The following PTPRD variants were observed in gnomAD, a reference collection of about 807,000 sequenced individuals.
The protein encoded by PTPRD is protein tyrosine phosphatase receptor type D.
PTPRD carries 34 observed loss-of-function variants against 214.5 expected under a neutral mutation model. The observed-to-expected ratio is 0.16, with a 90% CI of 0.12 to 0.21. The LOEUF is 0.21. Ranked by LOEUF, PTPRD falls within the 10% of genes least tolerant of loss-of-function variation. The pLI is 1.00. For synonymous variants in PTPRD, 1,128 were observed against 845.7 expected (o/e 1.33, Z -5.79); for missense variants, 2,545 against 2,398.7 (o/e 1.06, Z -1.27).
At chr9:10,134,414 T>C (rs1363063001) in intron 3 of PTPRD, among the ~76,000 whole-genome samples, 3 of 152,142 alleles carry the variant, frequency 2.0e-5, no homozygotes, top group African/African-American at 7.2e-5. Flanking sequence ...AACTTCCCAA[T>C]GACTGAACAC....
At chr9:8,826,065 G>A (rs1012465306) in intron 11 of PTPRD, among the ~76,000 whole-genome samples, 2 of 152,058 alleles carry the variant, frequency 1.3e-5, no homozygotes, top group African/African-American at 2.4e-5. Flanking sequence ...CTTTTAAGAT[G>A]GAGTTGCTCT....
At chr9:9,724,085 C>T (rs2098027416) in intron 7 of PTPRD, among the ~76,000 whole-genome samples, 1 of 152,018 alleles carries the variant, frequency 6.6e-6, no homozygotes. Context: ...TTTATGTCTT[C>T]TTTTAATAAA....
In PTPRD at chr9:9,756,235, G is replaced by A. The variant is rs117315786; in HGVS notation, c.-326+10575C>T. Among the ~76,000 whole-genome samples, 184 of 152,192 alleles carry A rather than the reference G, an allele frequency of 1.2e-3. 4 individuals carry two copies. In the East Asian group the frequency reaches 0.031, roughly 25 times the overall value. ...GTCTTCTGGAGCACCAGAGGGTTAT[G>A]TGAGATTCATTAGCTTCTAAATAAG... On this transcript the variant is annotated intron_variant, in intron 6 of 45. Coordinates refer to ENST00000381196, the MANE Select transcript of PTPRD (RefSeq NM_002839.4).
chr9:10,267,546 C>T (rs2094151197), intron 3 of PTPRD, among the ~76,000 whole-genome samples: 1 of 151,962 alleles, frequency 6.6e-6, no homozygotes, highest in Non-Finnish European at 1.5e-5. Context: ...AAAATTCTTG[C>T]CCAAGGCATT....
intron 10 of PTPRD, among the ~76,000 whole-genome samples, chr9:9,083,420 T>A (rs188169712): frequency 7.2e-5 from 11 of 152,296 alleles, no homozygotes; most frequent in Admixed American, 7.2e-4. Flanking sequence ...GATTAAAGAC[T>A]TCAATGTAAG....
chr9:9,668,272 C>T (rs1456871455), intron 7 of PTPRD, among the ~76,000 whole-genome samples: 1 of 152,056 alleles, frequency 6.6e-6, no homozygotes, highest in African/African-American at 2.4e-5. Flanking sequence ...ACCATCTGGA[C>T]CCGACAATTT....
At chr9:9,885,153 G>A (rs2070367025) in intron 5 of PTPRD, among the ~76,000 whole-genome samples, 2 of 152,016 alleles carry the variant, frequency 1.3e-5, no homozygotes, top group South Asian at 2.1e-4. Context: ...TTAAGGTACT[G>A]CATGGTTTCC....
chr9:8,741,043 A>T (rs2091786168), intron 11 of PTPRD, among the ~76,000 whole-genome samples: 1 of 152,178 alleles, frequency 6.6e-6, no homozygotes. Context: ...CACTTTCCAA[A>T]TTATTATTGA....
At chr9:10,072,639 A>C (rs115682310) in intron 3 of PTPRD, among the ~76,000 whole-genome samples, 1,944 of 152,164 alleles carry the variant, frequency 0.013, 36 homozygotes, top group African/African-American at 0.042. Flanking sequence ...TCCTCCCTGC[A>C]ATTGACTGCT....
chr9:8,352,046 C>T (rs3902903), intron 39 of PTPRD, among the ~76,000 whole-genome samples: 70,994 of 148,478 alleles, frequency 0.48, 19,630 homozygotes, highest in Non-Finnish European at 0.63. Context: ...AACTCCGTCT[C>T]GAGAAAGAAA....
intron 14 of PTPRD, among the ~76,000 whole-genome samples, chr9:8,620,734 C>A (rs972324657): frequency 2.0e-5 from 3 of 151,882 alleles, no homozygotes; most frequent in African/African-American, 7.3e-5. Context: ...AAAAATAGTA[C>A]CAAGATGTTC....
intron 11 of PTPRD, among the ~76,000 whole-genome samples, chr9:8,788,674 T>A (rs1327933970): frequency 6.6e-6 from 1 of 152,178 alleles, no homozygotes; most frequent in Non-Finnish European, 1.5e-5. Context: ...ACTGATGACA[T>A]TTCTTATCAT....
At chr9:9,075,552 C>T (rs2099749784) in intron 10 of PTPRD, among the ~76,000 whole-genome samples, 1 of 151,964 alleles carries the variant, frequency 6.6e-6, no homozygotes. Context: ...CTAATGCTAT[C>T]CCTCCCCCAT....
chr9:8,499,474 C>A (rs2097347822), intron 25 of PTPRD, among the ~76,000 whole-genome samples, 173 bp downstream of exon 25: 1 of 152,168 alleles, frequency 6.6e-6, no homozygotes, highest in East Asian at 1.9e-4. Flanking sequence ...TTCCCTTCCT[C>A]ACTTGATAGT....
In PTPRD at chr9:8,499,721, G is replaced by A. The variant is rs2136819872; in HGVS notation, c.2248C>T (p.His750Tyr). The A allele has an allele frequency of 6.2e-7, 1 of 1,614,052 alleles. No homozygotes were observed. The highest frequency in any genetic ancestry group is 1.3e-5 in the African/African-American group (1 of 75,022). ...QHGQIRGYQVHYVRMENGEPK... is the reference protein window; with the variant it reads ...QHGQIRGYQVYYVRMENGEPK... ...TCACCATTTTCCATCCTCACATAAT[G>A]CACCTGATATCCTCTTATCTGGCCA... The change falls in exon 25 of 46, where the codon CAT becomes TAT. Residue 750 changes from histidine to tyrosine, a missense_variant. His to Tyr is a moderately conservative substitution (Grantham distance 83, BLOSUM62 2). Coordinates refer to ENST00000381196, the MANE Select transcript of PTPRD (RefSeq NM_002839.4).
At chr9:9,499,198 A>G (rs2096311605) in intron 8 of PTPRD, among the ~76,000 whole-genome samples, 1 of 152,162 alleles carries the variant, frequency 6.6e-6, no homozygotes, top group Non-Finnish European at 1.5e-5. Flanking sequence ...ATTTTTCATC[A>G]TGTTGATAAA....
intron 2 of PTPRD, among the ~76,000 whole-genome samples, chr9:10,366,348 G>A (rs181329319): frequency 6.6e-6 from 1 of 152,156 alleles, no homozygotes; most frequent in African/African-American, 2.4e-5. Flanking sequence ...AGGTGAGAAA[G>A]TTTGCAGTTA....
chr9:8,623,632 T>A (rs2095891442), intron 14 of PTPRD, among the ~76,000 whole-genome samples: 1 of 151,926 alleles, frequency 6.6e-6, no homozygotes, highest in African/African-American at 2.4e-5. Context: ...TCACATTTCC[T>A]GAGTGCCTAG....
At chr9:8,542,338 G>C (rs2078682816) in intron 14 of PTPRD, among the ~76,000 whole-genome samples, 2 of 152,084 alleles carry the variant, frequency 1.3e-5, no homozygotes, top group Admixed American at 6.5e-5. Flanking sequence ...AGTGATGTAG[G>C]CATGTTATTT....
Sources: gnomAD v4.1 joint callset for allele counts (sites outside exome capture counted in the v4.1 genomes callset) on GRCh38, gnomAD v4.1.1 for gene constraint, MANE v1.5 for transcripts, NCBI Gene and HGNC (gene_info 2026-07-23, HGNC 2026-07-21) for gene names.